Variants in PRKCA observed in about 807,000 individuals in gnomAD.
PRKCA encodes the protein protein kinase C alpha.
Under a neutral mutation model 87.0 loss-of-function variants are expected in PRKCA, and 27 were observed. The observed-to-expected ratio is 0.31, with a 90% confidence interval of 0.23 to 0.43. The LOEUF (loss-of-function observed/expected upper bound fraction) is 0.43, where lower values mean the gene tolerates loss of function less well. Among genes scored for constraint, PRKCA ranks in the 20% least tolerant of loss-of-function variants. The pLI is 1.00. For missense variants in PRKCA, 518 were observed against 852.3 expected, an observed-to-expected ratio of 0.61 and a Z score of 4.88; for synonymous variants, 329 against 311.1, an observed-to-expected ratio of 1.06 and a Z score of -0.61.
intron 2 of PRKCA, among the ~76,000 whole-genome samples, chr17:66,353,695 G>A (rs1471157215): frequency 2.0e-5 from 3 of 152,134 alleles, no homozygotes; most frequent in Non-Finnish European, 2.9e-5. Context: ...CAGCCTGGGC[G>A]ACAGAGCAAG....
chr17:66,725,712 A>G (rs1414393156), intron 8 of PRKCA, among the ~76,000 whole-genome samples: 1 of 151,756 alleles, frequency 6.6e-6, no homozygotes, highest in African/African-American at 2.4e-5. Flanking sequence ...CAGGAGGCTG[A>G]GATGGGCGGA....
At chr17:66,747,697 C>T (rs1015595613) in intron 13 of PRKCA, among the ~76,000 whole-genome samples, 3 of 152,318 alleles carry the variant, frequency 2.0e-5, no homozygotes, top group South Asian at 2.1e-4. Flanking sequence ...GTTTGGGCCA[C>T]GTTTTCTTGG....
intron 2 of PRKCA, among the ~76,000 whole-genome samples, chr17:66,480,328 A>G (rs919582724): frequency 3.3e-5 from 5 of 152,246 alleles, no homozygotes; most frequent in Admixed American, 3.3e-4. Flanking sequence ...GTGGTGTTCC[A>G]CGTCCCTGAT....
chr17:66,557,864 A>G (rs1217953725), intron 3 of PRKCA, among the ~76,000 whole-genome samples: 2 of 152,268 alleles, frequency 1.3e-5, no homozygotes, highest in South Asian at 4.2e-4. Context: ...TTGAGCTCAT[A>G]TACAGAATAG....
chr17:66,624,271 C>A (rs1269561618), intron 3 of PRKCA, among the ~76,000 whole-genome samples: 11 of 151,846 alleles, frequency 7.2e-5, no homozygotes, highest in Middle Eastern at 6.8e-3. Flanking sequence ...GTGGGGTTAG[C>A]ATGAAAGGGC....
chr17:66,562,105 AT>A lies in PRKCA; in HGVS notation c.288+65824del, dbSNP rs552962728. ...TATATAATTAAATATATATAATTAA[AT>A]TATATATATAATTAAATATATATAA... is the stretch of plus-strand genomic sequence containing the variant. On this transcript the variant is annotated intron_variant, in intron 3 of 16. Transcript: ENST00000413366. Among the ~76,000 whole-genome samples, 421 of 111,158 alleles carry A rather than the reference AT, an allele frequency of 3.8e-3. 10 individuals are homozygous for A. The highest frequency in any genetic ancestry group is 0.013 in the African/African-American group (377 of 28,614). 72.9% of individuals were successfully genotyped at this position (111,158 alleles called of 152,430 possible). A position where few individuals can be genotyped will look rare whatever the true frequency, so the allele number is the denominator to read the frequency against.
chr17:66,722,741 C>T (rs959210212), intron 8 of PRKCA, among the ~76,000 whole-genome samples: 35 of 152,168 alleles, frequency 2.3e-4, no homozygotes, highest in African/African-American at 1.2e-4. Flanking sequence ...TTGAACCAAA[C>T]GTGAATATGC....
intron 13 of PRKCA, among the ~76,000 whole-genome samples, chr17:66,763,954 G>A (rs1039818416): frequency 1.3e-5 from 2 of 152,132 alleles, no homozygotes; most frequent in African/African-American, 2.4e-5. Flanking sequence ...CTTTTCAGCA[G>A]GACTCATGTA....
At chr17:66,460,737 T>C (rs898411374) in intron 2 of PRKCA, among the ~76,000 whole-genome samples, 1 of 152,192 alleles carries the variant, frequency 6.6e-6, no homozygotes, top group Admixed American at 6.5e-5. Flanking sequence ...GAAGCAGAAC[T>C]GCGTCCCCAT....
chr17:66,744,632 T>C (rs1263052047), intron 13 of PRKCA, among the ~76,000 whole-genome samples: 1 of 152,236 alleles, frequency 6.6e-6, no homozygotes, highest in Non-Finnish European at 1.5e-5. Flanking sequence ...GAGTGTCTTG[T>C]CTTTTTTTGT....
rs148286176 is a variant in PRKCA, at chr17:66,322,039, G to A, written c.205+15912G>A. ...TTGCTCCAAACTTTTTAAACTTTTAGTTGCTTTGGAGTAATGTCACTCTGG... is the reference window on the plus strand; with the variant it reads ...TTGCTCCAAACTTTTTAAACTTTTAATTGCTTTGGAGTAATGTCACTCTGG... On this transcript the variant is annotated intron_variant, in intron 2 of 16. Coordinates refer to ENST00000413366, the MANE Select transcript of PRKCA (RefSeq NM_002737.3). Among the ~76,000 whole-genome samples the A allele has an allele frequency of 1.7e-3, 258 of 152,262 alleles. 1 individual carries two copies. Among genetic ancestry groups the A allele is most frequent in the African/African-American group, 6.0e-3 (249 of 41,554 alleles).
chr17:66,343,922 G>C (rs1414811731), intron 2 of PRKCA, among the ~76,000 whole-genome samples: 1 of 151,994 alleles, frequency 6.6e-6, no homozygotes, highest in Non-Finnish European at 1.5e-5. Context: ...ACCATTGTAT[G>C]TTTTCAGTGA....
intron 3 of PRKCA, among the ~76,000 whole-genome samples, chr17:66,605,992 A>G (rs1970197398): frequency 6.6e-6 from 1 of 152,194 alleles, no homozygotes; most frequent in South Asian, 2.1e-4. Flanking sequence ...TGAGATGACA[A>G]ATTGTGATAA....
Position 66,688,981 on chromosome 17 carries a change from G to A in PRKCA, c.852G>A (p.Glu284=), listed in dbSNP as rs1972705508. ...WYKLLNQEEG[E]YYNVPIPEGD... ...AGTTGCTTAACCAAGAAGAAGGTGAGTACTACAACGTACCCATTCCGGAAG... is the reference window on the plus strand; with the variant it reads ...AGTTGCTTAACCAAGAAGAAGGTGAATACTACAACGTACCCATTCCGGAAG... Residue 284 remains glutamate (E), a synonymous_variant, in exon 8 of 17, where the codon GAG becomes GAA. Transcript: ENST00000413366. The A allele has an allele frequency of 6.2e-7, 1 of 1,606,698 alleles. No individual in the cohort carries two copies. Among genetic ancestry groups the A allele is most frequent in the Non-Finnish European group, 8.5e-7 (1 of 1,176,126 alleles).
At position 66,809,769 on chromosome 17, in the gene PRKCA, T is replaced by C. The variant is rs1284702038; in HGVS notation, c.*5732T>C. The C allele has an allele frequency of 6.6e-6, 1 of 152,110 alleles. No individual in the cohort carries two copies. The highest frequency in any genetic ancestry group is 1.5e-5 in the Non-Finnish European group (1 of 68,014). 9.4% of individuals were successfully genotyped at this position (152,110 alleles called of 1,614,324 possible). On this transcript the variant is annotated 3_prime_UTR_variant, in exon 17 of 17. Coordinates refer to ENST00000413366, the MANE Select transcript of PRKCA (RefSeq NM_002737.3). Reference sequence around the variant, plus strand: ...AAACTTCCAAACCACAGGAAAGACATTTTTAGTGTCCCCCATCCAGAGGCA... The same window carrying C: ...AAACTTCCAAACCACAGGAAAGACACTTTTAGTGTCCCCCATCCAGAGGCA...
At chr17:66,488,571 T>G (rs762864506) in intron 2 of PRKCA, among the ~76,000 whole-genome samples, 9 of 152,128 alleles carry the variant, frequency 5.9e-5, no homozygotes, top group Non-Finnish European at 1.3e-4. Context: ...TCAAAGTATA[T>G]CTCAGGTCCA....
intron 3 of PRKCA, among the ~76,000 whole-genome samples, chr17:66,540,556 C>T (rs570033130): frequency 1.3e-5 from 2 of 152,254 alleles, no homozygotes; most frequent in South Asian, 2.1e-4. Context: ...AAGCAGCACT[C>T]GGAGTGGAGT....
Position 66,620,686 on chromosome 17 carries a change from G to A in PRKCA, c.289-20669G>A, listed in dbSNP as rs576726758. On this transcript the variant is annotated intron_variant, in intron 3 of 16. Coordinates refer to ENST00000413366, the MANE Select transcript of PRKCA (RefSeq NM_002737.3). ...GTGAAAACCGAGTGATTCTATCTAA[G>A]AAGTCAAAGTGAACACAGTGAATAG... Among the ~76,000 whole-genome samples the A allele has an allele frequency of 3.9e-5, 6 of 152,308 alleles. No homozygotes were observed. The South Asian group carries it at 1.0e-3, about 26-fold the overall frequency.
Position 66,689,081 on chromosome 17 carries a change from C to T in PRKCA, c.918+34C>T, listed in dbSNP as rs758269205. On this transcript the variant is annotated intron_variant, in intron 8 of 16. Transcript: ENST00000413366. The surrounding 1 kb of genome is among the most constrained non-coding windows in gnomAD (Gnocchi z 4.1). The stretch of plus-strand genomic sequence containing the variant: ...AACAAAATGCCCGGAAACACCTTTC[C>T]TTTAGAAAGCCCAACTTCAGGAACG... The T allele has an allele frequency of 1.4e-6, 2 of 1,403,082 alleles. No individual in the cohort carries two copies. The highest frequency in any genetic ancestry group is 1.3e-5 in the South Asian group (1 of 76,548). The allele number at this position is 1,403,082 out of a possible 1,614,324, so 86.9% of individuals were successfully genotyped here. A position where few individuals can be genotyped will look rare whatever the true frequency, so the allele number is the denominator to read the frequency against.
Sources: gnomAD v4.1 joint callset for allele counts (sites outside exome capture counted in the v4.1 genomes callset) on GRCh38, gnomAD v4.1.1 for gene constraint, Gnocchi (gnomAD v3.1) non-coding constraint, MANE v1.5 for transcripts, NCBI Gene and HGNC (gene_info 2026-07-23, HGNC 2026-07-21) for gene names.